Variants in MAPK11 observed in about 807,000 individuals in gnomAD.
The protein encoded by MAPK11 is mitogen-activated protein kinase 11.
Under a neutral mutation model 52.2 loss-of-function variants are expected in MAPK11, and 44 were observed. The ratio of observed to expected loss-of-function variants is 0.84; its 90% CI spans 0.66 to 1.08. The LOEUF is 1.08. Ranked by LOEUF, MAPK11 falls within the 50% of genes least tolerant of loss-of-function variation. The pLI is 0.00. For missense variants in MAPK11, 436 were observed against 494.7 expected, an observed-to-expected ratio of 0.88 and a Z score of 1.13; for synonymous variants, 233 against 206.3, an observed-to-expected ratio of 1.13 and a Z score of -1.11.
Position 50,264,780 on chromosome 22 carries a change from T to C in MAPK11, c.*168A>G. The stretch of plus-strand genomic sequence containing the variant: ...CATGGCAAGCACATGTACACACATG[T>C]TTGTGCATGCATACATGCGTGTAGA... On this transcript the variant is annotated 3_prime_UTR_variant, in exon 12 of 12. Coordinates refer to ENST00000330651, the MANE Select transcript of MAPK11 (RefSeq NM_002751.7). The C allele has an allele frequency of 1.7e-6, 1 of 587,918 alleles. No homozygotes were observed. The highest frequency in any genetic ancestry group is 3.0e-6 in the Non-Finnish European group (1 of 328,852). 36.4% of individuals were successfully genotyped at this position (587,918 alleles called of 1,614,324 possible).
Position 50,264,682 on chromosome 22 carries a change from G to A in MAPK11, c.*266C>T. The A allele has an allele frequency of 7.5e-6, 3 of 402,172 alleles. No individual in the cohort carries two copies. The highest frequency in any genetic ancestry group is 9.1e-6 in the Non-Finnish European group (2 of 219,186). The allele number at this position is 402,172 out of a possible 1,614,324, so 24.9% of individuals were successfully genotyped here. A position where few individuals can be genotyped will look rare whatever the true frequency, so the allele number is the denominator to read the frequency against. Reference sequence around the variant, plus strand: ...TAGGACCCCACAGTCAGGTCCCAGTGGAGAGTGCAGTAGCCAGAAGAGGAC... The same window carrying A: ...TAGGACCCCACAGTCAGGTCCCAGTAGAGAGTGCAGTAGCCAGAAGAGGAC... On this transcript the variant is annotated 3_prime_UTR_variant, in exon 12 of 12. Coordinates refer to ENST00000330651, the MANE Select transcript of MAPK11 (RefSeq NM_002751.7).
intron 8 of MAPK11, 98 bp from the exon 9 acceptor site, chr22:50,266,403 A>G (rs371575507): frequency 7.1e-7 from 1 of 1,409,872 alleles, no homozygotes. Flanking sequence ...GCTCTCCTAT[A>G]GGTGAGGATG....
chr22:50,269,509 A>G (rs986839730), intron 1 of MAPK11, among the ~76,000 whole-genome samples: 1 of 152,218 alleles, frequency 6.6e-6, no homozygotes, highest in Non-Finnish European at 1.5e-5. Flanking sequence ...GGAGGCTGAA[A>G]CTTAGGACTC....
chr22:50,270,030 C>A lies in MAPK11; in HGVS notation c.116+147G>T, dbSNP rs1030115201. On this transcript the variant is annotated intron_variant, in intron 1 of 11. Coordinates refer to ENST00000330651, the MANE Select transcript of MAPK11 (RefSeq NM_002751.7). This position sits in a 1 kb window ranked among gnomAD's most constrained non-coding sequence, Gnocchi z 6.3. ...CTTTACGCCGCCACCCCCGCCCCCC[C>A]ATTCATTCCTCAGATCCGCTTGGCG... 3.4e-5 allele frequency: 12 copies of A among 357,540 alleles called. No individual in the cohort carries two copies. In the East Asian group the frequency reaches 4.1e-4, roughly 12 times the overall value. 22.1% of individuals were successfully genotyped at this position (357,540 alleles called of 1,614,324 possible). A position where few individuals can be genotyped will look rare whatever the true frequency, so the allele number is the denominator to read the frequency against.
At chr22:50,265,084 G>A in intron 11 of MAPK11, 57 bp from the exon 12 acceptor site, 2 of 1,462,982 alleles carry the variant, frequency 1.4e-6, no homozygotes, top group African/African-American at 1.4e-5. Context: ...CCCCTCACCT[G>A]CTTGTCTGGC....
chr22:50,266,815 T>G (rs2065265897), intron 7 of MAPK11, 119 bp downstream of exon 7: 1 of 1,077,798 alleles, frequency 9.3e-7, no homozygotes, highest in Non-Finnish European at 1.4e-6. Flanking sequence ...GGGCTACTTT[T>G]GAATGTGGGT....
chr22:50,267,807 T>TC lies in MAPK11; in HGVS notation c.246+12dup. 2.2e-6 allele frequency: 3 copies of TC among 1,357,384 alleles called. No homozygotes were observed. The highest frequency in any genetic ancestry group is 3.0e-6 in the Non-Finnish European group (3 of 1,013,268). 84.1% of individuals were successfully genotyped at this position (1,357,384 alleles called of 1,614,324 possible). On this transcript the variant is annotated intron_variant, in intron 2 of 11. Coordinates refer to ENST00000330651, the MANE Select transcript of MAPK11 (RefSeq NM_002751.7). ...CGCACGCGCCCTCCCCCCACGGCCC[T>TC]CCCCCGGCTCACGTTCTCGTGCTTC...
intron 2 of MAPK11, 22 bp downstream of exon 2, chr22:50,267,798 C>G (rs945225423): frequency 2.0e-5 from 31 of 1,521,284 alleles, no homozygotes; most frequent in Non-Finnish European, 1.7e-5. Flanking sequence ...CGCCCTCCCC[C>G]CACGGCCCTC....
chr22:50,266,518 C>T (rs369320959), intron 8 of MAPK11, 22 bp downstream of exon 8: 9 of 1,515,080 alleles, frequency 5.9e-6, no homozygotes, highest in East Asian at 2.3e-5. Flanking sequence ...TGACCCTGCT[C>T]CCCAACCTGG....
chr22:50,269,173 C>T (rs1407556640), intron 1 of MAPK11, among the ~76,000 whole-genome samples: 2 of 152,168 alleles, frequency 1.3e-5, no homozygotes, highest in African/African-American at 4.8e-5. Flanking sequence ...CCCTTCAGGT[C>T]TCAAAGAGGA....
chr22:50,265,281 G>A lies in MAPK11; in HGVS notation c.1015+40C>T, dbSNP rs200420926. On this transcript the variant is annotated intron_variant, in intron 11 of 11. Coordinates refer to ENST00000330651, the MANE Select transcript of MAPK11 (RefSeq NM_002751.7). ...TCCTGCCTCTGGGGAAATGGAGCCC[G>A]CAGGCCCCTGGACCCACCCCCAGCC... 262 of 1,602,616 alleles carry A rather than the reference G, an allele frequency of 1.6e-4. No individual in the cohort carries two copies. The African/African-American group carries it at 2.7e-3, about 17-fold the overall frequency.
rs376747986 is a variant in MAPK11, at chr22:50,267,448, T to G, written c.340A>C (p.Asn114His). 6 of 1,609,590 alleles carry G rather than the reference T, an allele frequency of 3.7e-6. No homozygotes were observed. The highest frequency in any genetic ancestry group is 5.1e-6 in the Non-Finnish European group (6 of 1,178,646). The part of the protein sequence containing the change: ...LVTTLMGADL[N>H]NIVKCQALSD... Reference sequence around the variant, plus strand: ...AGCGCCTGGCACTTGACGATGTTGTTCAGGTCGGCGCCCATCAGGGTGGTC... The same window carrying G: ...AGCGCCTGGCACTTGACGATGTTGTGCAGGTCGGCGCCCATCAGGGTGGTC... The change falls in exon 4 of 12, where the codon AAC (asparagine) becomes CAC (histidine). Residue 114 changes from asparagine to histidine, a missense_variant. Coordinates refer to ENST00000330651, the MANE Select transcript of MAPK11 (RefSeq NM_002751.7).
Position 50,267,260 on chromosome 22 carries a change from G to A in MAPK11, c.444C>T (p.His148=). Residue 148 remains histidine (H), a synonymous_variant, in exon 5 of 12, where the codon CAC becomes CAT. Transcript: ENST00000330651. The part of the protein sequence containing the change: ...LKYIHSAGII[H]RDLKPSNVAV... ...CTCACCCTGCGGTCGCACCTACCCGGTGGATGATCCCGGCCGAGTGGATGT... is the reference window on the plus strand; with the variant it reads ...CTCACCCTGCGGTCGCACCTACCCGATGGATGATCCCGGCCGAGTGGATGT... The A allele has an allele frequency of 6.2e-7, 1 of 1,606,324 alleles. No individual in the cohort carries two copies. The highest frequency in any genetic ancestry group is 8.5e-7 in the Non-Finnish European group (1 of 1,178,168).
chr22:50,267,719 CCT>C (rs887299290), intron 2 of MAPK11, 92 bp from the exon 3 acceptor site: 92 of 1,442,472 alleles, frequency 6.4e-5, no homozygotes, highest in Non-Finnish European at 6.5e-5. Flanking sequence ...GGCCGCGCCC[CCT>C]GTGTCCCCGC....
chr22:50,268,786 G>A (rs1213424750), intron 1 of MAPK11, among the ~76,000 whole-genome samples: 1 of 152,190 alleles, frequency 6.6e-6, no homozygotes, highest in Non-Finnish European at 1.5e-5. Flanking sequence ...CACCCCCCAT[G>A]CCCACACAAG....
Position 50,270,275 on chromosome 22 carries a change from G to A in MAPK11, c.18C>T (p.Ala6=). The part of the protein sequence containing the change: MSGPR[A]GFYRQELNKT... The stretch of plus-strand genomic sequence containing the variant: ...TGTTCAGCTCCTGCCGGTAGAAGCC[G>A]GCGCGAGGGCCCGACATGTCCGGAG... The change falls in exon 1 of 12, where the codon GCC becomes GCT. Residue 6 remains alanine (A), a synonymous_variant. Transcript: ENST00000330651. This position sits in a 1 kb window ranked among gnomAD's most constrained non-coding sequence, Gnocchi z 6.3. 2 of 1,417,036 alleles carry A rather than the reference G, an allele frequency of 1.4e-6. No individual in the cohort carries two copies. The highest frequency in any genetic ancestry group is 1.8e-6 in the Non-Finnish European group (2 of 1,082,430). 87.8% of individuals were successfully genotyped at this position (1,417,036 alleles called of 1,614,324 possible). A position where few individuals can be genotyped will look rare whatever the true frequency, so the allele number is the denominator to read the frequency against.
Position 50,265,042 on chromosome 22 carries a change from GA to G in MAPK11, c.1016-16del. 1 of 1,607,772 alleles carries G rather than the reference GA, an allele frequency of 6.2e-7. No individual in the cohort carries two copies. Among genetic ancestry groups the G allele is most frequent in the Non-Finnish European group, 8.5e-7 (1 of 1,175,536 alleles). The stretch of plus-strand genomic sequence containing the variant: ...GTAAGTGAGCTCTAGGAGGTGAAGG[GA>G]AAGGGTGAGCTTGTGCCTCCCACAG... On this transcript the variant is annotated splice_polypyrimidine_tract_variant and intron_variant, in intron 11 of 11. Coordinates refer to ENST00000330651, the MANE Select transcript of MAPK11 (RefSeq NM_002751.7).
rs776586987 is a variant in MAPK11 at position 50,267,272 on chromosome 22, G to T, written c.432C>A (p.Ala144=). 1.2e-6 allele frequency: 2 copies of T among 1,603,706 alleles called. No homozygotes were observed. Among genetic ancestry groups the T allele is most frequent in the South Asian group, 2.2e-5 (2 of 89,858 alleles). ...TCGCACCTACCCGGTGGATGATCCC[G>T]GCCGAGTGGATGTACTGCGGGAGGG... The part of the protein sequence containing the change: ...LLRGLKYIHS[A]GIIHRDLKPS... The change falls in exon 5 of 12, where the codon GCC becomes GCA. Residue 144 remains alanine, a synonymous_variant. Transcript: ENST00000330651.
intron 1 of MAPK11, among the ~76,000 whole-genome samples, chr22:50,268,846 C>T (rs902505157): frequency 4.6e-5 from 7 of 152,278 alleles, no homozygotes; most frequent in Non-Finnish European, 1.0e-4. Context: ...GGGCGCAGGT[C>T]GAGGTGCCTG....
Sources: gnomAD v4.1 joint callset for allele counts (sites outside exome capture counted in the v4.1 genomes callset) on GRCh38, gnomAD v4.1.1 for gene constraint, Gnocchi (gnomAD v3.1) non-coding constraint, MANE v1.5 for transcripts, NCBI Gene and HGNC (gene_info 2026-07-23, HGNC 2026-07-21) for gene names.